Variants in CELF1 observed in about 807,000 individuals in gnomAD.
The protein encoded by CELF1 is CUGBP Elav-like family member 1.
A neutral mutation model predicts 61.8 loss-of-function variants in CELF1; 10 were observed. That is an observed-to-expected ratio of 0.16 (90% CI 0.10 to 0.27). CELF1 has a LOEUF of 0.27. Among genes scored for constraint, CELF1 ranks in the 10% least tolerant of loss-of-function variants. CELF1 has a pLI of 1.00. For missense variants in CELF1, 380 were observed against 639.1 expected, an observed-to-expected ratio of 0.59 and a Z score of 4.37; for synonymous variants, 236 against 225.1, an observed-to-expected ratio of 1.05 and a Z score of -0.43.
At chr11:47,513,758 C>G (rs1232778805) in intron 1 of CELF1, 1 of 151,294 alleles carries the variant, frequency 6.6e-6, no homozygotes, top group Non-Finnish European at 1.5e-5. Flanking sequence ...CCCGGCCACC[C>G]TCTTTTTTTT....
At position 47,499,477 on chromosome 11, in the gene CELF1, T is replaced by G; in HGVS notation, c.47A>C (p.His16Pro). ...LDFLPEMMVD[H>P]CSLNSSPVSK... ...CACGGGACTGGAATTCAAAGAGCAA[T>G]GATCCACCATCATTTCTGGAAGGAA... Residue 16 changes from histidine (H) to proline (P), a missense_variant, in exon 3 of 15, where the codon CAT (histidine) becomes CCT (proline). Coordinates refer to ENST00000687097, the MANE Select transcript of CELF1 (RefSeq NM_001376376.1). 6.5e-7 allele frequency: 1 copy of G among 1,536,028 alleles called. No homozygotes were observed. The highest frequency in any genetic ancestry group is 8.7e-7 in the Non-Finnish European group (1 of 1,146,842).
At chr11:47,511,250 C>G (rs2095133374) in intron 1 of CELF1, among the ~76,000 whole-genome samples, 1 of 151,836 alleles carries the variant, frequency 6.6e-6, no homozygotes, top group African/African-American at 2.4e-5. Flanking sequence ...ATCTTAAAAG[C>G]AGAACTGTTT....
In CELF1 at chr11:47,512,204, G is replaced by A. The variant is rs148591617; in HGVS notation, c.-153-11272C>T. On this transcript the variant is annotated intron_variant, in intron 1 of 14. Coordinates refer to ENST00000687097, the MANE Select transcript of CELF1 (RefSeq NM_001376376.1). Reference sequence around the variant, plus strand: ...GTCCCGCTCTGTTTCCCAGGCTGGAGTGCGGTGGCATGATCTCTGCTTACT... The same window carrying A: ...GTCCCGCTCTGTTTCCCAGGCTGGAATGCGGTGGCATGATCTCTGCTTACT... 5.1e-4 allele frequency among the ~76,000 whole-genome samples: 78 copies of A among 152,024 alleles called. 2 individuals are homozygous for A. The East Asian group carries it at 0.013, about 26-fold the overall frequency.
intron 2 of CELF1, among the ~76,000 whole-genome samples, chr11:47,560,473 A>G (rs958467228): frequency 1.3e-5 from 2 of 152,208 alleles, no homozygotes; most frequent in Admixed American, 6.6e-5. Context: ...ATATGTGTAC[A>G]TGAATATACA....
At chr11:47,552,482 G>A (rs572662094) in intron 1 of CELF1, among the ~76,000 whole-genome samples, 2 of 152,350 alleles carry the variant, frequency 1.3e-5, no homozygotes, top group South Asian at 2.1e-4. Context: ...TAGCGGATCT[G>A]GGGCGAGGAA....
chr11:47,500,594 T>C (rs1291424183), intron 2 of CELF1, among the ~76,000 whole-genome samples: 1 of 152,174 alleles, frequency 6.6e-6, no homozygotes, highest in Non-Finnish European at 1.5e-5. Context: ...ATGAAGTCTC[T>C]TCATTCTCTT....
intron 1 of CELF1, among the ~76,000 whole-genome samples, chr11:47,539,536 T>TA (rs1239865049): frequency 6.6e-6 from 1 of 152,220 alleles, no homozygotes; most frequent in Non-Finnish European, 1.5e-5. Context: ...CACACACCTG[T>TA]AATCCCAGCT....
At chr11:47,516,029 C>G (rs1422236480) in intron 1 of CELF1, among the ~76,000 whole-genome samples, 1 of 151,016 alleles carries the variant, frequency 6.6e-6, no homozygotes, top group Non-Finnish European at 1.5e-5. Flanking sequence ...ATGGTGAAAC[C>G]CTATCTCTAC....
At chr11:47,533,092 ATT>A (rs111833244) in intron 1 of CELF1, among the ~76,000 whole-genome samples, 1 of 143,560 alleles carries the variant, frequency 7.0e-6, no homozygotes. Context: ...CTATCACAGT[ATT>A]TTTTTTTTTT....
At chr11:47,562,529 C>A (rs867982803) in intron 2 of CELF1, among the ~76,000 whole-genome samples, 280 of 91,092 alleles carry the variant, frequency 3.1e-3, no homozygotes, top group Admixed American at 3.3e-3. Context: ...AACTCTATCT[C>A]AAAAAAAAAA....
chr11:47,560,719 G>T (rs2097222321), intron 2 of CELF1, among the ~76,000 whole-genome samples: 1 of 152,162 alleles, frequency 6.6e-6, no homozygotes, highest in Non-Finnish European at 1.5e-5. Flanking sequence ...GGGTGACAAG[G>T]CATATGCATT....
chr11:47,485,932 C>A (rs1367131698), intron 6 of CELF1, among the ~76,000 whole-genome samples: 1 of 146,840 alleles, frequency 6.8e-6, no homozygotes, highest in Non-Finnish European at 1.5e-5. Flanking sequence ...GAGGCCGAGG[C>A]GGGCGGATCA....
chr11:47,497,730 C>T (rs1241701474), intron 3 of CELF1, among the ~76,000 whole-genome samples: 1 of 152,160 alleles, frequency 6.6e-6, no homozygotes, highest in East Asian at 1.9e-4. Context: ...ACACTTGTTT[C>T]TAGAGTCTTG....
At chr11:47,494,781 C>T (rs1352310467) in intron 3 of CELF1, among the ~76,000 whole-genome samples, 1 of 152,232 alleles carries the variant, frequency 6.6e-6, no homozygotes, top group African/African-American at 2.4e-5. Flanking sequence ...TCCTTTATAG[C>T]TGCACTGAGC....
At chr11:47,513,635 T>C (rs1283923699) in intron 1 of CELF1, 2 of 151,932 alleles carry the variant, frequency 1.3e-5, no homozygotes, top group East Asian at 3.9e-4. Flanking sequence ...TTTTGTATTT[T>C]TAGTAGAGAT....
At position 47,471,981 on chromosome 11, in the gene CELF1, A is replaced by C. The variant is rs190061716; in HGVS notation, c.*249T>G. On this transcript the variant is annotated 3_prime_UTR_variant, in exon 15 of 15. Transcript: ENST00000687097. ...AGAAACAAAAACAAAAACAAAAAAA[A>C]CCTCAGGATATGGCACCTAAACTCC... The C allele has an allele frequency of 2.0e-3, 850 of 416,892 alleles. 1 individual carries two copies. The highest frequency in any genetic ancestry group is 9.6e-3 in the Middle Eastern group (14 of 1,460). The allele number at this position is 416,892 out of a possible 1,614,324, so 25.8% of individuals were successfully genotyped here.
intron 4 of CELF1, 48 bp from the exon 5 acceptor site, chr11:47,487,289 T>C: frequency 7.0e-7 from 1 of 1,437,880 alleles, no homozygotes; most frequent in South Asian, 1.2e-5. Flanking sequence ...AAGCAGAGAA[T>C]TCCTAGAGCA....
chr11:47,477,054 G>C, intron 11 of CELF1, 95 bp from the exon 12 acceptor site: 1 of 1,106,584 alleles, frequency 9.0e-7, no homozygotes, highest in Non-Finnish European at 1.4e-6. Flanking sequence ...TATTTGTAAA[G>C]AGGTTTTCAG....
At chr11:47,501,604 C>G (rs895462095) in intron 1 of CELF1, among the ~76,000 whole-genome samples, 2 of 151,996 alleles carry the variant, frequency 1.3e-5, no homozygotes, top group East Asian at 3.8e-4. Flanking sequence ...CACCTGAGGT[C>G]AGAAGTTGAA....
Sources: allele counts gnomAD v4.1 joint callset (sites outside exome capture counted in the v4.1 genomes callset), GRCh38; gene constraint gnomAD v4.1.1; transcripts MANE v1.5; gene names NCBI Gene and HGNC (gene_info 2026-07-23, HGNC 2026-07-21).